Variants in CHRM3 observed in about 807,000 individuals in gnomAD.
CHRM3 encodes cholinergic receptor muscarinic 3.
A neutral mutation model predicts 41.8 loss-of-function variants in CHRM3; 11 were observed. The observed-to-expected ratio is 0.26, with a 90% confidence interval of 0.17 to 0.44. The LOEUF (loss-of-function observed/expected upper bound fraction) is 0.44. CHRM3 is among the 20% of genes least tolerant of loss of function. The pLI is 1.00. For missense variants in CHRM3, 571 were observed against 745.4 expected (o/e 0.77, Z 2.72); for synonymous variants, 297 against 301.4 (o/e 0.99, Z 0.15).
chr1:239,424,054 CAAAAA>C (rs772980892), intron 1 of CHRM3, among the ~76,000 whole-genome samples: 2 of 78,916 alleles, frequency 2.5e-5, no homozygotes, highest in Non-Finnish European at 2.6e-5. Context: ...GACTCTGTCT[CAAAAA>C]AAAAAAAAAA....
At chr1:239,409,815 G>A (rs1274809050) in intron 1 of CHRM3, among the ~76,000 whole-genome samples, 2 of 152,090 alleles carry the variant, frequency 1.3e-5, no homozygotes, top group African/African-American at 2.4e-5. Context: ...GGTTGCGGGC[G>A]CCTGTAGTCC....
At chr1:239,550,669 CATTTT>C (rs1250322920) in intron 3 of CHRM3, among the ~76,000 whole-genome samples, 1 of 152,060 alleles carries the variant, frequency 6.6e-6, no homozygotes, top group Admixed American at 6.6e-5. Flanking sequence ...ATGTTTATAT[CATTTT>C]AAGTATTTTT....
In CHRM3 at chr1:239,812,522, A is replaced by G. The variant is rs76883485; in HGVS notation, c.-146-14730A>G. On this transcript the variant is annotated intron_variant, in intron 5 of 6. Coordinates refer to ENST00000676153, the MANE Select transcript of CHRM3 (RefSeq NM_001375978.1). ...AAAGGAGATTAGAGGGTTTTTGCATAATTAAATACAAAGTTGGATGGTTTA... is the reference window on the plus strand; with the variant it reads ...AAAGGAGATTAGAGGGTTTTTGCATGATTAAATACAAAGTTGGATGGTTTA... Among the ~76,000 whole-genome samples, 70 of 152,336 alleles carry G rather than the reference A, an allele frequency of 4.6e-4. 1 individual carries two copies. The East Asian group carries it at 0.01, about 22-fold the overall frequency.
In CHRM3 at chr1:239,532,009, C is replaced by CTTTTTTT. The variant is rs34798101; in HGVS notation, c.-421-13617_-421-13611dup. Among the ~76,000 whole-genome samples the CTTTTTTT allele has an allele frequency of 1.6e-3, 120 of 76,312 alleles. 1 individual carries two copies. Among genetic ancestry groups the CTTTTTTT allele is most frequent in the African/African-American group, 2.7e-3 (47 of 17,552 alleles). The allele number at this position is 76,312 out of a possible 152,430, so 50.1% of individuals were successfully genotyped here. A position where few individuals can be genotyped will look rare whatever the true frequency, so the allele number is the denominator to read the frequency against. On this transcript the variant is annotated intron_variant, in intron 2 of 6. Coordinates refer to ENST00000676153, the MANE Select transcript of CHRM3 (RefSeq NM_001375978.1). ...TATTTCTTTTTTCTTTTCCTTCTTT[C>CTTTTTTT]TTTTTTTTTTTTTTTTTTTTTGAGA...
chr1:239,876,823 T>C (rs1677147639), intron 6 of CHRM3, among the ~76,000 whole-genome samples: 1 of 152,188 alleles, frequency 6.6e-6, no homozygotes, highest in Admixed American at 6.5e-5. Context: ...TCCCTAGTGT[T>C]TACTCAGCAC....
intron 2 of CHRM3, among the ~76,000 whole-genome samples, chr1:239,517,460 C>T (rs1156681969): frequency 6.6e-6 from 1 of 152,200 alleles, no homozygotes; most frequent in Non-Finnish European, 1.5e-5. Flanking sequence ...ACATCACTTG[C>T]CATTCCTATG....
chr1:239,703,504 C>G (rs1486494883), intron 5 of CHRM3: 1 of 152,090 alleles, frequency 6.6e-6, no homozygotes, highest in Non-Finnish European at 1.5e-5. Context: ...TTTCTTTTAT[C>G]CTTTCCCCAA....
chr1:239,676,418 G>C lies in CHRM3; in HGVS notation c.-249-1768G>C, dbSNP rs186420768. Among the ~76,000 whole-genome samples the C allele has an allele frequency of 1.2e-3, 181 of 152,274 alleles. 1 individual carries two copies. Among genetic ancestry groups the C allele is most frequent in the Non-Finnish European group, 2.1e-3 (146 of 68,030 alleles). On this transcript the variant is annotated intron_variant, in intron 4 of 6. Coordinates refer to ENST00000676153, the MANE Select transcript of CHRM3 (RefSeq NM_001375978.1). Reference sequence around the variant, plus strand: ...AAAATGTGGACCTGATCATAGTTGAGTGTGTCTGCCCCATGCTTGCATTTA... The same window carrying C: ...AAAATGTGGACCTGATCATAGTTGACTGTGTCTGCCCCATGCTTGCATTTA...
At chr1:239,605,254 T>TCCATAAGATTATAACATGGTATTTTTGAA (rs1276769108) in intron 3 of CHRM3, among the ~76,000 whole-genome samples, 24 of 152,336 alleles carry the variant, frequency 1.6e-4, no homozygotes, top group African/African-American at 5.5e-4. Flanking sequence ...TAATAGTGGT[T>TCCATAAGATTATAACATGGTATTTTTGAA]CCATAAGATT....
At chr1:239,609,498 TA>T (rs1213030543) in intron 3 of CHRM3, among the ~76,000 whole-genome samples, 1 of 152,220 alleles carries the variant, frequency 6.6e-6, no homozygotes, top group African/African-American at 2.4e-5. Context: ...TGTCATTTCT[TA>T]GGCAAATACC....
intron 4 of CHRM3, among the ~76,000 whole-genome samples, chr1:239,645,309 C>A (rs187215522): frequency 2.6e-5 from 4 of 152,264 alleles, no homozygotes; most frequent in African/African-American, 4.8e-5. Context: ...CACTGTGGGA[C>A]AATATGTAGG....
intron 1 of CHRM3, among the ~76,000 whole-genome samples, chr1:239,409,220 T>TTAAGAA (rs1660881185): frequency 1.3e-5 from 2 of 152,194 alleles, no homozygotes. Flanking sequence ...TTGCTGGGAC[T>TTAAGAA]TAAGAAGACC....
intron 6 of CHRM3, among the ~76,000 whole-genome samples, chr1:239,871,677 T>C (rs918714217): frequency 3.3e-5 from 5 of 152,208 alleles, no homozygotes; most frequent in African/African-American, 9.6e-5. Flanking sequence ...TATGTCTCTG[T>C]CGTCATATTT....
chr1:239,643,176 C>CT (rs1671382643), intron 4 of CHRM3, among the ~76,000 whole-genome samples: 1 of 151,940 alleles, frequency 6.6e-6, no homozygotes, highest in Non-Finnish European at 1.5e-5. Context: ...TCTGCCCCTA[C>CT]TGGGGGGTGC....
rs115674731 is a variant in CHRM3, at chr1:239,907,484, T to C, written c.33T>C (p.Pro11=). Residue 11 remains proline, a synonymous_variant, in exon 7 of 7, where the codon CCT becomes CCC. Coordinates refer to ENST00000676153, the MANE Select transcript of CHRM3 (RefSeq NM_001375978.1). This position sits in a 1 kb window ranked among gnomAD's most constrained non-coding sequence, Gnocchi z 5.4. MTLHNNSTTS[P]LFPNISSSWI... ...TGCACAATAACAGTACAACCTCGCC[T>C]TTGTTTCCAAACATCAGCTCCTCCT... The C allele has an allele frequency of 2.3e-4, 365 of 1,614,164 alleles. No individual in the cohort carries two copies. The highest frequency in any genetic ancestry group is 2.9e-4 in the Non-Finnish European group (342 of 1,180,018).
At chr1:239,886,689 CTAAT>C (rs1213903839) in intron 6 of CHRM3, 2 of 152,280 alleles carry the variant, frequency 1.3e-5, no homozygotes, top group African/African-American at 4.8e-5. Flanking sequence ...TTCCAGATCT[CTAAT>C]TAAGAATTTT....
At chr1:239,714,910 G>A (rs1662187093) in intron 5 of CHRM3, among the ~76,000 whole-genome samples, 2 of 152,106 alleles carry the variant, frequency 1.3e-5, no homozygotes, top group African/African-American at 2.4e-5. Context: ...CATTGCATGG[G>A]ATGAAGATTT....
intron 5 of CHRM3, among the ~76,000 whole-genome samples, chr1:239,790,713 A>C (rs1265481416): frequency 6.6e-6 from 1 of 152,220 alleles, no homozygotes; most frequent in Non-Finnish European, 1.5e-5. Context: ...CAAAGCTGTT[A>C]GCAGATCTAA....
chr1:239,413,867 CAGTT>C (rs1369213474), intron 1 of CHRM3, among the ~76,000 whole-genome samples: 1 of 152,048 alleles, frequency 6.6e-6, no homozygotes, highest in African/African-American at 2.4e-5. Context: ...AGCTAAATGT[CAGTT>C]TGTTTTTCAT....
Sources: allele counts gnomAD v4.1 joint callset (sites outside exome capture counted in the v4.1 genomes callset), GRCh38; gene constraint gnomAD v4.1.1; non-coding constraint Gnocchi (gnomAD v3.1); transcripts MANE v1.5; gene names NCBI Gene and HGNC (gene_info 2026-07-23, HGNC 2026-07-21).